KLF8: variants seen among roughly 807,000 people sequenced by gnomAD.
The protein encoded by KLF8 is Krueppel-like factor 8.
In KLF8, 10 loss-of-function variants were observed where a neutral mutation model predicts 18.2. The observed-to-expected ratio is 0.55, with a 90% CI of 0.34 to 0.93. The LOEUF (loss-of-function observed/expected upper bound fraction) is 0.93, where lower values mean the gene tolerates loss of function less well. KLF8 is among the 40% of genes least tolerant of loss of function. The pLI is 0.02. For missense variants in KLF8, 264 were observed against 277.9 expected (o/e 0.95, Z 0.36); for synonymous variants, 109 against 97.3 (o/e 1.12, Z -0.71).
chrX:55,988,106 T>G, the KLF8 span, among the ~76,000 whole-genome samples: 1 of 112,067 alleles, frequency 8.9e-6, no homozygotes, highest in African/African-American at 3.2e-5. Flanking sequence ...TATTAGCCCT[T>G]TGTCAGATGA....
chrX:55,936,025 A>G, the KLF8 span, among the ~76,000 whole-genome samples: 55 of 112,272 alleles, frequency 4.9e-4, no homozygotes, highest in Non-Finnish European at 9.0e-4. Flanking sequence ...CAAACTTGAG[A>G]ATTAGCTGCA....
chrX:56,286,167 T>C lies in KLF8; in HGVS notation c.*1673T>C, dbSNP rs2067266291. On this transcript the variant is annotated 3_prime_UTR_variant, in exon 6 of 6. Transcript: ENST00000468660. ...GATCACATAATTTTATTTATTTATT[T>C]TTTGAGAGACGGTTTCACTCCATCA... The C allele has an allele frequency of 9.0e-6, 1 of 111,271 alleles. No individual in the cohort carries two copies. The highest frequency in any genetic ancestry group is 9.6e-5 in the Admixed American group (1 of 10,456). 9.2% of individuals were successfully genotyped at this position (111,271 alleles called of 1,213,427 possible).
At chrX:56,263,934 G>GAACT (rs1309773493) in intron 2 of KLF8, among the ~76,000 whole-genome samples, 1 of 111,703 alleles carries the variant, frequency 9.0e-6, no homozygotes. Flanking sequence ...ACCTTTCATT[G>GAACT]AACTCTACCT....
At chrX:56,153,184 C>G in the KLF8 span, among the ~76,000 whole-genome samples, 3 of 109,290 alleles carry the variant, frequency 2.7e-5, no homozygotes, top group Non-Finnish European at 5.7e-5. Flanking sequence ...ATTGCATTTC[C>G]CAAAAGAAAT....
the KLF8 span, among the ~76,000 whole-genome samples, chrX:56,109,325 A>G: frequency 9.4e-6 from 1 of 106,678 alleles, no homozygotes; most frequent in Non-Finnish European, 1.9e-5. Flanking sequence ...AGCTAGGGAG[A>G]TTGAGGCTTC....
At chrX:55,934,966 T>C in the KLF8 span, among the ~76,000 whole-genome samples, 2 of 111,549 alleles carry the variant, frequency 1.8e-5, no homozygotes, top group Admixed American at 1.9e-4. Flanking sequence ...AACTTTATAG[T>C]TGAAGGGGAG....
chrX:55,926,354 T>A, the KLF8 span, among the ~76,000 whole-genome samples: 1 of 110,860 alleles, frequency 9.0e-6, no homozygotes, highest in Non-Finnish European at 1.9e-5. Context: ...TCTCCCTGTC[T>A]TTCCATGCTT....
At chrX:56,187,051 C>T in the KLF8 span, among the ~76,000 whole-genome samples, 1 of 110,662 alleles carries the variant, frequency 9.0e-6, no homozygotes, top group Non-Finnish European at 1.9e-5. Context: ...GAAAGAGAGA[C>T]AAAAAACCCT....
the KLF8 span, among the ~76,000 whole-genome samples, chrX:56,058,833 G>A: frequency 8.9e-6 from 1 of 111,732 alleles, no homozygotes; most frequent in Non-Finnish European, 1.9e-5. Flanking sequence ...TGTCTTTACA[G>A]TAGAATGATT....
At chrX:56,062,694 A>G in the KLF8 span, among the ~76,000 whole-genome samples, 2 of 110,549 alleles carry the variant, frequency 1.8e-5, no homozygotes, top group African/African-American at 6.6e-5. Flanking sequence ...TATTTCCTGA[A>G]TTTGAATGTT....
intron 2 of KLF8, among the ~76,000 whole-genome samples, chrX:56,255,218 C>T (rs974883858): frequency 8.9e-6 from 1 of 112,275 alleles, no homozygotes; most frequent in East Asian, 2.8e-4. Context: ...TCAGATTGTT[C>T]ACTGTTGACA....
chrX:56,189,156 C>G, the KLF8 span, among the ~76,000 whole-genome samples: 1 of 111,447 alleles, frequency 9.0e-6, no homozygotes, highest in East Asian at 2.8e-4. Flanking sequence ...TCTACAAGAA[C>G]TCCAATAAAT....
the KLF8 span, among the ~76,000 whole-genome samples, chrX:56,050,097 T>C: frequency 9.0e-6 from 1 of 110,528 alleles, no homozygotes; most frequent in Non-Finnish European, 1.9e-5. Flanking sequence ...TGTATTTCTG[T>C]GGGATCGGTG....
the KLF8 span, among the ~76,000 whole-genome samples, chrX:56,058,231 TAC>T: frequency 3.8e-5 from 3 of 79,491 alleles, no homozygotes; most frequent in African/African-American, 8.9e-5. Context: ...TATATATATA[TAC>T]ACACATATAT....
At chrX:55,993,495 G>A in the KLF8 span, among the ~76,000 whole-genome samples, 28 of 112,015 alleles carry the variant, frequency 2.5e-4, no homozygotes, top group Non-Finnish European at 4.3e-4. Context: ...GTTACTGGAT[G>A]TGGACTGCTA....
At chrX:56,147,527 G>A in the KLF8 span, among the ~76,000 whole-genome samples, 1 of 112,198 alleles carries the variant, frequency 8.9e-6, no homozygotes, top group Non-Finnish European at 1.9e-5. Flanking sequence ...AAAAGGTCAC[G>A]TATTTCATTA....
At chrX:56,220,962 A>G in the KLF8 span, among the ~76,000 whole-genome samples, 1 of 112,692 alleles carries the variant, frequency 8.9e-6, no homozygotes. Flanking sequence ...GCTTTGTCAT[A>G]GTTTATATAG....
chrX:56,160,027 G>T, the KLF8 span, among the ~76,000 whole-genome samples: 4 of 111,822 alleles, frequency 3.6e-5, no homozygotes, highest in African/African-American at 6.5e-5. Flanking sequence ...TGGGCATTTA[G>T]TGCTATAAAT....
At chrX:56,021,542 A>G in the KLF8 span, among the ~76,000 whole-genome samples, 1 of 110,430 alleles carries the variant, frequency 9.1e-6, no homozygotes, top group African/African-American at 3.3e-5. Context: ...AGTTTTAGTC[A>G]GTACTGCCAA....
Sources: allele counts gnomAD v4.1 joint callset (sites outside exome capture counted in the v4.1 genomes callset), GRCh38; gene constraint gnomAD v4.1.1; transcripts MANE v1.5; gene names NCBI Gene and HGNC (gene_info 2026-07-23, HGNC 2026-07-21).